ARHGAP15: variants seen among roughly 807,000 people sequenced by gnomAD.
ARHGAP15 encodes rho GTPase-activating protein 15.
ARHGAP15 carries 51 observed loss-of-function variants against 63.7 expected under a neutral mutation model. The ratio of observed to expected loss-of-function variants is 0.80; its 90% CI spans 0.64 to 1.01. The LOEUF is 1.01. Among genes scored for constraint, ARHGAP15 ranks in the 50% least tolerant of loss-of-function variants. ARHGAP15 has a pLI of 0.00. For synonymous variants in ARHGAP15, 191 were observed against 193.8 expected (o/e 0.99, Z 0.12); for missense variants, 560 against 564.6 (o/e 0.99, Z 0.08).
chr2:143,531,152 G>A (rs1694508864), intron 10 of ARHGAP15, among the ~76,000 whole-genome samples: 1 of 152,034 alleles, frequency 6.6e-6, no homozygotes, highest in African/African-American at 2.4e-5. Context: ...TGTTCTGGAA[G>A]GTAGCTTTAA....
intron 3 of ARHGAP15, among the ~76,000 whole-genome samples, chr2:143,209,482 A>G (rs551416972): frequency 3.9e-4 from 60 of 152,226 alleles, no homozygotes; most frequent in African/African-American, 1.4e-3. Context: ...AGAAGCGTTC[A>G]GTCTAGGGAT....
chr2:143,628,620 C>T (rs1698937350), intron 12 of ARHGAP15, among the ~76,000 whole-genome samples: 1 of 152,150 alleles, frequency 6.6e-6, no homozygotes, highest in African/African-American at 2.4e-5. Flanking sequence ...GGTTTCAGCT[C>T]CCATCTGGTG....
At chr2:143,509,411 G>A (rs534773240) in intron 9 of ARHGAP15, among the ~76,000 whole-genome samples, 1 of 151,862 alleles carries the variant, frequency 6.6e-6, no homozygotes. Flanking sequence ...CAGAGAATCG[G>A]CCCAATTTTT....
chr2:143,293,586 T>C (rs1267328587), intron 6 of ARHGAP15, among the ~76,000 whole-genome samples: 1 of 152,070 alleles, frequency 6.6e-6, no homozygotes, highest in African/African-American at 2.4e-5. Context: ...AAACTGACTT[T>C]GGTGTCTTAA....
chr2:143,267,073 T>G (rs1479178569), intron 6 of ARHGAP15, among the ~76,000 whole-genome samples: 1 of 152,122 alleles, frequency 6.6e-6, no homozygotes, highest in Admixed American at 6.6e-5. Context: ...ACTAAGGAAG[T>G]CACAGAGCCA....
chr2:143,524,238 C>G (rs1272707978), intron 10 of ARHGAP15, among the ~76,000 whole-genome samples: 1 of 152,086 alleles, frequency 6.6e-6, no homozygotes, highest in East Asian at 1.9e-4. Context: ...GTTTGTTTGA[C>G]AGGATCCAGT....
rs1252723448 is a variant in ARHGAP15, at chr2:143,499,148, CAT to C, written c.826+11656_826+11657del. Among the ~76,000 whole-genome samples the C allele has an allele frequency of 1.1e-4, 17 of 152,266 alleles. No homozygotes were observed. The East Asian group carries it at 2.9e-3, about 26-fold the overall frequency. On this transcript the variant is annotated intron_variant, in intron 9 of 13. Transcript: ENST00000295095. ...AAGAAATGCAAACCAGACTGCCAAACATATTATGAATATATTGCTCTTCTTAA... is the reference window on the plus strand; with the variant it reads ...AAGAAATGCAAACCAGACTGCCAAACATTATGAATATATTGCTCTTCTTAA...
intron 13 of ARHGAP15, among the ~76,000 whole-genome samples, chr2:143,715,362 C>T (rs1372238671): frequency 2.6e-5 from 4 of 152,246 alleles, no homozygotes; most frequent in East Asian, 1.9e-4. Context: ...GTTGAGATTT[C>T]GGTAGGAACA....
intron 13 of ARHGAP15, among the ~76,000 whole-genome samples, chr2:143,708,100 T>C (rs925080013): frequency 6.6e-6 from 1 of 152,168 alleles, no homozygotes; most frequent in Admixed American, 6.5e-5. Flanking sequence ...GCTCTGCCAC[T>C]TACTGGATGT....
chr2:143,282,561 G>T (rs1681906276), intron 6 of ARHGAP15, among the ~76,000 whole-genome samples: 2 of 152,062 alleles, frequency 1.3e-5, no homozygotes, highest in South Asian at 4.1e-4. Context: ...CTGCCCCCAT[G>T]ATTCAATTAC....
chr2:143,562,958 C>G (rs909446988), intron 11 of ARHGAP15, among the ~76,000 whole-genome samples: 4 of 152,224 alleles, frequency 2.6e-5, no homozygotes. Context: ...AAAACTATAC[C>G]ACACATTTAC....
At chr2:143,210,503 A>G (rs1420753061) in intron 3 of ARHGAP15, among the ~76,000 whole-genome samples, 2 of 152,162 alleles carry the variant, frequency 1.3e-5, no homozygotes, top group African/African-American at 4.8e-5. Context: ...GAGGTTTAAC[A>G]TGATGGGGAA....
chr2:143,609,553 C>T (rs2105213265), intron 11 of ARHGAP15, among the ~76,000 whole-genome samples: 1 of 152,242 alleles, frequency 6.6e-6, no homozygotes, highest in South Asian at 2.1e-4. Flanking sequence ...CCATACCCAC[C>T]CAAAAAGTTT....
intron 9 of ARHGAP15, among the ~76,000 whole-genome samples, chr2:143,513,213 C>G (rs527684827): frequency 8.1e-4 from 123 of 152,286 alleles, no homozygotes; most frequent in Non-Finnish European, 1.5e-3. Context: ...CTTTACTCAC[C>G]AAGACACCAA....
intron 9 of ARHGAP15, among the ~76,000 whole-genome samples, chr2:143,496,328 A>C (rs1692814168): frequency 6.6e-6 from 1 of 152,196 alleles, no homozygotes; most frequent in African/African-American, 2.4e-5. Flanking sequence ...TGCACACAGG[A>C]AACAATCCAG....
chr2:143,617,993 A>G (rs1020402552), intron 11 of ARHGAP15, among the ~76,000 whole-genome samples: 1 of 152,238 alleles, frequency 6.6e-6, no homozygotes, highest in African/African-American at 2.4e-5. Context: ...GTTTTCTCAG[A>G]TAATATCCTC....
At chr2:143,604,214 T>C (rs1028124508) in intron 11 of ARHGAP15, among the ~76,000 whole-genome samples, 1 of 152,216 alleles carries the variant, frequency 6.6e-6, no homozygotes, top group African/African-American at 2.4e-5. Flanking sequence ...CTGTTTCTCT[T>C]GTTTTGGGTT....
intron 12 of ARHGAP15, among the ~76,000 whole-genome samples, chr2:143,693,258 C>T (rs1394857493): frequency 6.6e-6 from 1 of 152,156 alleles, no homozygotes; most frequent in African/African-American, 2.4e-5. Context: ...CAGAACTAGA[C>T]CATTGAGAAA....
intron 6 of ARHGAP15, among the ~76,000 whole-genome samples, chr2:143,348,035 A>T (rs191293603): frequency 9.8e-5 from 15 of 152,312 alleles, no homozygotes; most frequent in African/African-American, 3.6e-4. Flanking sequence ...CATTTCAACT[A>T]GAATGTCCTA....
Sources: allele counts gnomAD v4.1 joint callset (sites outside exome capture counted in the v4.1 genomes callset), GRCh38; gene constraint gnomAD v4.1.1; transcripts MANE v1.5; gene names NCBI Gene and HGNC (gene_info 2026-07-23, HGNC 2026-07-21).